The following CMSS1 variants were observed in gnomAD, a reference collection of about 807,000 sequenced individuals.
CMSS1 encodes the protein protein CMSS1.
In CMSS1, 33 loss-of-function variants were observed where a neutral mutation model predicts 43.5. The ratio of observed to expected loss-of-function variants is 0.76; its 90% CI spans 0.57 to 1.01. The LOEUF is 1.01. Ranked by LOEUF, CMSS1 falls within the 50% of genes least tolerant of loss-of-function variation. The pLI is 0.00. For missense variants in CMSS1, 313 were observed against 326.4 expected (o/e 0.96, Z 0.32); for synonymous variants, 115 against 117.2 (o/e 0.98, Z 0.12).
chr3:99,884,105 A>G (rs1355932126), intron 1 of CMSS1, among the ~76,000 whole-genome samples: 2 of 152,188 alleles, frequency 1.3e-5, no homozygotes, highest in Non-Finnish European at 2.9e-5. Flanking sequence ...AGCAGCCCTT[A>G]TAGTTCATGG....
At chr3:99,868,390 A>G (rs1944623610) in intron 1 of CMSS1, among the ~76,000 whole-genome samples, 1 of 152,174 alleles carries the variant, frequency 6.6e-6, no homozygotes, top group Admixed American at 6.5e-5. Flanking sequence ...ACTGCATCCT[A>G]CAAAGGACCT....
At chr3:99,989,231 A>T (rs1374505128) in intron 1 of CMSS1, among the ~76,000 whole-genome samples, 1 of 152,204 alleles carries the variant, frequency 6.6e-6, no homozygotes, top group Non-Finnish European at 1.5e-5. Flanking sequence ...TCACAAAGCC[A>T]ACCTCTGTTC....
At chr3:100,004,300 G>T (rs1389573029) in intron 1 of CMSS1, among the ~76,000 whole-genome samples, 2 of 152,098 alleles carry the variant, frequency 1.3e-5, no homozygotes, top group Non-Finnish European at 2.9e-5. Flanking sequence ...AACTGTCTTG[G>T]GCTCAAGAAC....
chr3:100,157,523 T>C (rs539007250), intron 2 of CMSS1, among the ~76,000 whole-genome samples: 2 of 152,328 alleles, frequency 1.3e-5, no homozygotes, highest in African/African-American at 4.8e-5. Context: ...GGTGATAGGA[T>C]AACAAGCTGG....
intron 1 of CMSS1, among the ~76,000 whole-genome samples, chr3:100,033,885 G>A (rs2065062482): frequency 6.6e-6 from 1 of 152,098 alleles, no homozygotes; most frequent in Non-Finnish European, 1.5e-5. Context: ...GTACAAAAGT[G>A]ACTGTTTTAT....
chr3:100,069,924 T>A (rs1416066706), intron 1 of CMSS1, among the ~76,000 whole-genome samples: 1 of 152,224 alleles, frequency 6.6e-6, no homozygotes, highest in African/African-American at 2.4e-5. Context: ...AAAGAAAATC[T>A]GGTTTGATAG....
chr3:99,855,715 A>C (rs749550029), intron 1 of CMSS1, among the ~76,000 whole-genome samples: 3 of 152,244 alleles, frequency 2.0e-5, no homozygotes, highest in Non-Finnish European at 4.4e-5. Flanking sequence ...AAAAGTGTGT[A>C]TCTCTCAGAG....
chr3:99,990,963 G>T (rs574410079), intron 1 of CMSS1, among the ~76,000 whole-genome samples: 11 of 152,078 alleles, frequency 7.2e-5, no homozygotes, highest in Non-Finnish European at 1.6e-4. Context: ...GGAAATAAAA[G>T]TCTCTGCCTT....
intron 1 of CMSS1, among the ~76,000 whole-genome samples, chr3:99,933,406 G>T (rs2107666249): frequency 6.6e-6 from 1 of 152,246 alleles, no homozygotes; most frequent in South Asian, 2.1e-4. Flanking sequence ...GGAATGGGAG[G>T]TTGGGGATGT....
At chr3:99,977,958 C>T (rs1353319868) in intron 1 of CMSS1, among the ~76,000 whole-genome samples, 1 of 152,050 alleles carries the variant, frequency 6.6e-6, no homozygotes, top group Non-Finnish European at 1.5e-5. Flanking sequence ...CCAAAATTTC[C>T]ATGAGCAAAT....
At chr3:99,886,743 T>C (rs944041093) in intron 1 of CMSS1, among the ~76,000 whole-genome samples, 3 of 151,500 alleles carry the variant, frequency 2.0e-5, no homozygotes, top group African/African-American at 7.3e-5. Flanking sequence ...CACTTGAGGT[T>C]AGGAGTTCGA....
At chr3:99,902,536 A>G (rs762082382) in intron 1 of CMSS1, among the ~76,000 whole-genome samples, 10 of 152,178 alleles carry the variant, frequency 6.6e-5, no homozygotes, top group Non-Finnish European at 1.0e-4. Flanking sequence ...TTCTGAGGAA[A>G]TGGTGTGAAG....
At chr3:100,138,950 C>T (rs894558924) in intron 1 of CMSS1, among the ~76,000 whole-genome samples, 2 of 152,166 alleles carry the variant, frequency 1.3e-5, no homozygotes, top group Non-Finnish European at 1.5e-5. Context: ...CCCAAATGCC[C>T]ATTGATGATA....
At chr3:99,862,730 ATTCT>A (rs1474375180) in intron 1 of CMSS1, among the ~76,000 whole-genome samples, 1 of 152,114 alleles carries the variant, frequency 6.6e-6, no homozygotes, top group Non-Finnish European at 1.5e-5. Flanking sequence ...AGACTGTTAG[ATTCT>A]TTGTGTTCGT....
Position 100,128,188 on chromosome 3 carries a change from C to T in CMSS1, c.65-18785C>T, listed in dbSNP as rs185390329. Among the ~76,000 whole-genome samples, 7 of 152,308 alleles carry T rather than the reference C, an allele frequency of 4.6e-5. No individual in the cohort carries two copies. In the East Asian group the frequency reaches 7.7e-4, roughly 17 times the overall value. ...TGACTTTGCACATGTTGTTCTGGAA[C>T]GTTCTTTTCCTGGTCTGTGCACTGA... On this transcript the variant is annotated intron_variant, in intron 1 of 9. Coordinates refer to ENST00000421999, the MANE Select transcript of CMSS1 (RefSeq NM_032359.4).
rs964677661 is a variant in CMSS1, at chr3:99,983,172, G to T, written c.65-163801G>T. Among the ~76,000 whole-genome samples the T allele has an allele frequency of 2.0e-5, 3 of 151,548 alleles. No individual in the cohort carries two copies. The South Asian group carries it at 6.3e-4, about 32-fold the overall frequency. ...GCCATTTGAAAAAAAATTTCTCAGG[G>T]ATATTGTTATCTAACTTCTTTGAAT... is the stretch of plus-strand genomic sequence containing the variant. On this transcript the variant is annotated intron_variant, in intron 1 of 9. Transcript: ENST00000421999.
chr3:99,971,777 A>G (rs1708829742), intron 1 of CMSS1, among the ~76,000 whole-genome samples: 1 of 152,176 alleles, frequency 6.6e-6, no homozygotes, highest in East Asian at 1.9e-4. Context: ...TCCCTGCAAC[A>G]CCATTCCCAT....
intron 1 of CMSS1, among the ~76,000 whole-genome samples, chr3:99,845,287 A>G (rs149898202): frequency 9.1e-4 from 139 of 152,308 alleles, no homozygotes; most frequent in African/African-American, 3.1e-3. Context: ...AATAGAAAAA[A>G]CATGATAAAA....
chr3:100,138,811 A>T (rs2066777694), intron 1 of CMSS1, among the ~76,000 whole-genome samples: 1 of 152,200 alleles, frequency 6.6e-6, no homozygotes, highest in Non-Finnish European at 1.5e-5. Flanking sequence ...AGAACCAGAA[A>T]TACCATTTGA....
Sources: gnomAD v4.1 joint callset for allele counts (sites outside exome capture counted in the v4.1 genomes callset) on GRCh38, gnomAD v4.1.1 for gene constraint, MANE v1.5 for transcripts, NCBI Gene and HGNC (gene_info 2026-07-23, HGNC 2026-07-21) for gene names.